The following STIM1 variants were observed in gnomAD, a reference collection of about 807,000 sequenced individuals.
STIM1 encodes stromal interaction molecule 1.
A neutral mutation model predicts 74.7 loss-of-function variants in STIM1; 25 were observed. The observed-to-expected ratio is 0.33, with a 90% CI of 0.24 to 0.47. STIM1 has a LOEUF of 0.47. Among genes scored for constraint, STIM1 ranks in the 20% least tolerant of loss-of-function variants. The pLI is 1.00. For synonymous variants in STIM1, 328 were observed against 348.8 expected (o/e 0.94, Z 0.66); for missense variants, 728 against 920.8 (o/e 0.79, Z 2.71).
At chr11:3,984,483 A>G (rs563574146) in intron 2 of STIM1, among the ~76,000 whole-genome samples, 1 of 152,232 alleles carries the variant, frequency 6.6e-6, no homozygotes, top group Non-Finnish European at 1.5e-5. Flanking sequence ...CTTAGGCTAA[A>G]GAAATGTCCT....
chr11:3,917,633 C>T (rs1057176636), intron 1 of STIM1, among the ~76,000 whole-genome samples: 2 of 152,004 alleles, frequency 1.3e-5, no homozygotes, highest in Non-Finnish European at 2.9e-5. Flanking sequence ...CAGGATTTTG[C>T]CATGTTGCCC....
chr11:3,972,064 C>G (rs1469476010), intron 2 of STIM1, among the ~76,000 whole-genome samples: 1 of 139,362 alleles, frequency 7.2e-6, no homozygotes, highest in Non-Finnish European at 1.5e-5. Flanking sequence ...CCCTTGTTCT[C>G]CTGCTTCAGC....
At chr11:4,037,796 C>A (rs1304702144) in intron 3 of STIM1, among the ~76,000 whole-genome samples, 2 of 152,016 alleles carry the variant, frequency 1.3e-5, no homozygotes, top group Non-Finnish European at 2.9e-5. Context: ...TATGATTAAT[C>A]AAATATGATT....
chr11:3,863,428 T>C (rs1050471548), intron 1 of STIM1, among the ~76,000 whole-genome samples: 10 of 152,020 alleles, frequency 6.6e-5, no homozygotes, highest in African/African-American at 2.2e-4. Flanking sequence ...GGCTACTTTT[T>C]CTATTTTTTT....
At chr11:3,944,240 C>T (rs548742610) in intron 1 of STIM1, among the ~76,000 whole-genome samples, 34 of 152,344 alleles carry the variant, frequency 2.2e-4, no homozygotes, top group Non-Finnish European at 4.3e-4. Flanking sequence ...GGTGTTTCCC[C>T]TGGCTTTTCA....
chr11:4,016,736 C>T (rs2093901178), intron 2 of STIM1, among the ~76,000 whole-genome samples: 2 of 152,172 alleles, frequency 1.3e-5, no homozygotes, highest in Admixed American at 1.3e-4. Flanking sequence ...ACTTTATTTA[C>T]ACTGTGAGCA....
intron 1 of STIM1, among the ~76,000 whole-genome samples, chr11:3,899,946 A>G (rs1435141801): frequency 2.0e-5 from 3 of 151,922 alleles, no homozygotes; most frequent in Non-Finnish European, 4.4e-5. Context: ...TTTTTGCATC[A>G]ATGTTCATCA....
At chr11:3,958,011 G>A (rs576033395) in intron 1 of STIM1, among the ~76,000 whole-genome samples, 4 of 152,116 alleles carry the variant, frequency 2.6e-5, no homozygotes, top group Non-Finnish European at 5.9e-5. Context: ...GACTACAGGC[G>A]CGTGCCATCA....
Position 4,091,520 on chromosome 11 carries a change from C to T in STIM1, c.1873C>T (p.His625Tyr), listed in dbSNP as rs201838782. Residue 625 changes from histidine (H) to tyrosine (Y), a missense_variant, in exon 13 of 13, where the codon CAC (histidine) becomes TAC (tyrosine). Physicochemically the swap from His to Tyr is moderately conservative, Grantham distance 83. Around this residue, in one of 5 missense-constraint regions of STIM1, gnomAD observed 352 missense variants for 370.1 expected, o/e 0.95. Coordinates refer to ENST00000526596, the MANE Select transcript of STIM1 (RefSeq NM_001382567.1). ...LALNHGLDKA[H>Y]SLMELSPSAP... ...GCTGAACCATGGGCTGGACAAGGCC[C>T]ACAGCCTGATGGAGCTGAGCCCCTC... The T allele has an allele frequency of 1.5e-5, 24 of 1,614,104 alleles. No homozygotes were observed. The highest frequency in any genetic ancestry group is 2.0e-5 in the Non-Finnish European group (24 of 1,180,046).
intron 3 of STIM1, among the ~76,000 whole-genome samples, chr11:4,050,949 C>A (rs1027391818): frequency 1.3e-5 from 2 of 151,952 alleles, no homozygotes; most frequent in Non-Finnish European, 2.9e-5. Flanking sequence ...AGGTTTTCAT[C>A]CTCATCTTCA....
chr11:3,914,101 CT>C (rs2135491634), intron 1 of STIM1, among the ~76,000 whole-genome samples: 1 of 152,194 alleles, frequency 6.6e-6, no homozygotes, highest in South Asian at 2.1e-4. Flanking sequence ...CAAACAGAAA[CT>C]TTGTACTTAT....
At chr11:3,962,967 T>C (rs985694166) in intron 1 of STIM1, among the ~76,000 whole-genome samples, 5 of 152,248 alleles carry the variant, frequency 3.3e-5, no homozygotes, top group African/African-American at 1.2e-4. Flanking sequence ...GGAAATTTTA[T>C]TTGAAATGCT....
At chr11:3,923,608 CAAA>C (rs770788044) in intron 1 of STIM1, among the ~76,000 whole-genome samples, 21 of 108,104 alleles carry the variant, frequency 1.9e-4, no homozygotes, top group East Asian at 1.5e-3. Context: ...GACCCTATCT[CAAA>C]AAAAAAAAAA....
chr11:4,072,853 G>A (rs780469817), intron 6 of STIM1, among the ~76,000 whole-genome samples: 2 of 152,120 alleles, frequency 1.3e-5, no homozygotes, highest in Non-Finnish European at 2.9e-5. Context: ...TGGCGCCTCT[G>A]ATTTGTCTTT....
chr11:3,900,648 C>T (rs555287469), intron 1 of STIM1, among the ~76,000 whole-genome samples: 3 of 152,286 alleles, frequency 2.0e-5, no homozygotes, highest in Non-Finnish European at 2.9e-5. Context: ...TGCAGGTTTG[C>T]GATCACAGCT....
chr11:3,912,081 A>C lies in STIM1; in HGVS notation c.140-55471A>C, dbSNP rs1237143632. Reference sequence around the variant, plus strand: ...TGAGGCTAATAGGGGGCATCTATCCATAACTGTCCTTCCATTCCCTTCTCC... The same window carrying C: ...TGAGGCTAATAGGGGGCATCTATCCCTAACTGTCCTTCCATTCCCTTCTCC... On this transcript the variant is annotated intron_variant, in intron 1 of 12. Coordinates refer to ENST00000526596, the MANE Select transcript of STIM1 (RefSeq NM_001382567.1). Among the ~76,000 whole-genome samples, 5 of 151,828 alleles carry C rather than the reference A, an allele frequency of 3.3e-5. No homozygotes were observed. The South Asian group carries it at 1.0e-3, about 32-fold the overall frequency.
chr11:3,948,440 C>T (rs554160081), intron 1 of STIM1, among the ~76,000 whole-genome samples: 1 of 152,056 alleles, frequency 6.6e-6, no homozygotes, highest in African/African-American at 2.4e-5. Flanking sequence ...TTACTTGAAT[C>T]TGTAGGCTAT....
intron 3 of STIM1, among the ~76,000 whole-genome samples, chr11:4,046,059 C>CTTTTTTTTTTTTT (rs35783768): frequency 1.7e-5 from 1 of 59,030 alleles, no homozygotes; most frequent in Non-Finnish European, 3.0e-5. Flanking sequence ...CGTGAGCTAC[C>CTTTTTTTTTTTTT]TTTTTTTTTT....
intron 2 of STIM1, among the ~76,000 whole-genome samples, chr11:4,007,126 T>C (rs2093789731): frequency 6.6e-6 from 1 of 152,132 alleles, no homozygotes; most frequent in African/African-American, 2.4e-5. Context: ...TGGGAGATCA[T>C]TTTTCTGGGC....
Sources: gnomAD v4.1 joint callset for allele counts (sites outside exome capture counted in the v4.1 genomes callset) on GRCh38, gnomAD v4.1.1 for gene constraint, gnomAD v4.1.1 regional missense constraint, MANE v1.5 for transcripts, NCBI Gene and HGNC (gene_info 2026-07-23, HGNC 2026-07-21) for gene names.